The following NRCAM variants were observed in gnomAD, a reference collection of about 807,000 sequenced individuals.
NRCAM encodes the protein neuronal cell adhesion molecule.
NRCAM carries 83 observed loss-of-function variants against 156.5 expected under a neutral mutation model. The observed-to-expected ratio is 0.53, with a 90% CI of 0.44 to 0.64. NRCAM has a LOEUF of 0.64. Ranked by LOEUF, NRCAM falls within the 30% of genes least tolerant of loss-of-function variation. The pLI is 0.00. For synonymous variants in NRCAM, 538 were observed against 563.9 expected, an observed-to-expected ratio of 0.95 and a Z score of 0.65; for missense variants, 1,417 against 1,597.3, an observed-to-expected ratio of 0.89 and a Z score of 1.92.
chr7:108,209,806 T>C (rs750667596), intron 11 of NRCAM, among the ~76,000 whole-genome samples: 7 of 152,238 alleles, frequency 4.6e-5, no homozygotes, highest in Non-Finnish European at 8.8e-5. Flanking sequence ...TACTAATTGA[T>C]GGCACACCAT....
intron 1 of NRCAM, among the ~76,000 whole-genome samples, chr7:108,429,818 G>GT (rs1207320715): frequency 6.6e-6 from 1 of 152,220 alleles, no homozygotes; most frequent in East Asian, 1.9e-4. Flanking sequence ...TTAAAAAGTG[G>GT]TAAGTAGAAT....
At chr7:108,346,190 G>C (rs1215314542) in intron 2 of NRCAM, among the ~76,000 whole-genome samples, 1 of 152,170 alleles carries the variant, frequency 6.6e-6, no homozygotes, top group African/African-American at 2.4e-5. Context: ...TTTAGGAGGA[G>C]TGGGAGGAAT....
At chr7:108,154,171 T>G (rs1472039720) in intron 32 of NRCAM, among the ~76,000 whole-genome samples, 4 of 152,196 alleles carry the variant, frequency 2.6e-5, no homozygotes, top group African/African-American at 9.6e-5. Flanking sequence ...CAAGACTTAT[T>G]AAAACCTATA....
At chr7:108,346,004 C>T (rs1408826959) in intron 2 of NRCAM, among the ~76,000 whole-genome samples, 1 of 152,106 alleles carries the variant, frequency 6.6e-6, no homozygotes, top group Non-Finnish European at 1.5e-5. Context: ...TGAGATGATC[C>T]AATTTTTATT....
intron 11 of NRCAM, among the ~76,000 whole-genome samples, chr7:108,211,359 A>G (rs1383322072): frequency 6.6e-6 from 1 of 152,158 alleles, no homozygotes; most frequent in East Asian, 1.9e-4. Flanking sequence ...CTTTATAACA[A>G]TTTGAACCAG....
intron 30 of NRCAM, among the ~76,000 whole-genome samples, chr7:108,166,598 A>T (rs1043098572): frequency 5.3e-5 from 8 of 152,302 alleles, no homozygotes; most frequent in Middle Eastern, 3.4e-3. Context: ...CACTTAAAAA[A>T]TTTCAGTTTA....
At chr7:108,195,120 C>T (rs2153466578) in intron 15 of NRCAM, among the ~76,000 whole-genome samples, 1 of 152,188 alleles carries the variant, frequency 6.6e-6, no homozygotes, top group South Asian at 2.1e-4. Flanking sequence ...AAGGAATATC[C>T]CCTAACTAGT....
At chr7:108,293,404 A>C (rs577215021) in intron 3 of NRCAM, among the ~76,000 whole-genome samples, 1 of 152,354 alleles carries the variant, frequency 6.6e-6, no homozygotes, top group Non-Finnish European at 1.5e-5. Context: ...CCTGCTGCTA[A>C]GAGGGCTCAG....
chr7:108,429,580 C>G (rs950445691), intron 1 of NRCAM, among the ~76,000 whole-genome samples: 4 of 152,242 alleles, frequency 2.6e-5, no homozygotes, highest in Non-Finnish European at 1.5e-5. Context: ...TATTAAATTG[C>G]AAACAATCCA....
intron 2 of NRCAM, among the ~76,000 whole-genome samples, chr7:108,318,139 G>A (rs1188411002): frequency 2.3e-5 from 3 of 131,658 alleles, no homozygotes; most frequent in South Asian, 5.5e-4. Flanking sequence ...TCTGCCTCCC[G>A]GGTTCATGCC....
chr7:108,354,168 T>A (rs2099459444), intron 2 of NRCAM, among the ~76,000 whole-genome samples: 1 of 152,164 alleles, frequency 6.6e-6, no homozygotes, highest in African/African-American at 2.4e-5. Flanking sequence ...CAAAAATGTA[T>A]AAATATAAAT....
At chr7:108,195,475 G>A (rs1052293895) in intron 15 of NRCAM, among the ~76,000 whole-genome samples, 1 of 151,378 alleles carries the variant, frequency 6.6e-6, no homozygotes, top group Admixed American at 6.6e-5. Context: ...AATTAGCCAG[G>A]TGTGGTGGTA....
chr7:108,198,635 A>T (rs1194720178), intron 13 of NRCAM, among the ~76,000 whole-genome samples: 1 of 152,246 alleles, frequency 6.6e-6, no homozygotes, highest in Non-Finnish European at 1.5e-5. Flanking sequence ...AAAGCTAGTA[A>T]AAAATATAGA....
In NRCAM at chr7:108,255,244, C is replaced by A. The variant is rs545553589; in HGVS notation, c.-106-15074G>T. On this transcript the variant is annotated intron_variant, in intron 3 of 32. Transcript: ENST00000379028. Reference sequence around the variant, plus strand: ...AGAGGCTGGACTGTACTGCCGCCATCTCGGCTCACTGCAAACTCCCTGCCT... The same window carrying A: ...AGAGGCTGGACTGTACTGCCGCCATATCGGCTCACTGCAAACTCCCTGCCT... 7.1e-3 allele frequency among the ~76,000 whole-genome samples: 1,060 copies of A among 150,026 alleles called. 7 individuals are homozygous for A. Among genetic ancestry groups the A allele is most frequent in the Middle Eastern group, 0.024 (7 of 290 alleles).
At chr7:108,248,728 A>C (rs558255642) in intron 3 of NRCAM, among the ~76,000 whole-genome samples, 1 of 152,292 alleles carries the variant, frequency 6.6e-6, no homozygotes, top group Admixed American at 6.5e-5. Context: ...AGTGATGCAC[A>C]CAACTTTTGC....
chr7:108,380,009 A>T (rs1285391122), intron 2 of NRCAM, among the ~76,000 whole-genome samples: 1 of 152,202 alleles, frequency 6.6e-6, no homozygotes, highest in Admixed American at 6.6e-5. Flanking sequence ...ACCACAATAT[A>T]TATCAAGAAG....
At chr7:108,448,240 T>G (rs1272518498) in intron 1 of NRCAM, among the ~76,000 whole-genome samples, 1 of 152,252 alleles carries the variant, frequency 6.6e-6, no homozygotes, top group African/African-American at 2.4e-5. Context: ...AATATAATCA[T>G]TCTGAAGTAA....
intron 3 of NRCAM, among the ~76,000 whole-genome samples, chr7:108,293,228 G>A (rs1216667705): frequency 6.6e-6 from 1 of 152,056 alleles, no homozygotes; most frequent in Non-Finnish European, 1.5e-5. Flanking sequence ...CCCCAACTGA[G>A]GACTACAACA....
At chr7:108,424,197 T>C (rs901970945) in intron 1 of NRCAM, among the ~76,000 whole-genome samples, 1 of 152,186 alleles carries the variant, frequency 6.6e-6, no homozygotes, top group Non-Finnish European at 1.5e-5. Flanking sequence ...CAGTTAGAGC[T>C]TATCAGGTTT....
Sources: allele counts gnomAD v4.1 joint callset (sites outside exome capture counted in the v4.1 genomes callset), GRCh38; gene constraint gnomAD v4.1.1; transcripts MANE v1.5; gene names NCBI Gene and HGNC (gene_info 2026-07-23, HGNC 2026-07-21).